The following LZTS1 variants were observed in gnomAD, a reference collection of about 807,000 sequenced individuals.
LZTS1 encodes leucine zipper tumor suppressor 1.
LZTS1 carries 31 observed loss-of-function variants against 45.8 expected under a neutral mutation model. That is an observed-to-expected ratio of 0.68 (90% CI 0.51 to 0.91). The LOEUF is 0.91. LZTS1 is among the 40% of genes least tolerant of loss of function. LZTS1 has a pLI of 0.00. For synonymous variants in LZTS1, 359 were observed against 357.3 expected (o/e 1.00, Z -0.05); for missense variants, 821 against 788.9 (o/e 1.04, Z -0.49).
intron 1 of LZTS1, among the ~76,000 whole-genome samples, chr8:20,263,154 G>C (rs2128894664): frequency 6.6e-6 from 1 of 152,300 alleles, no homozygotes; most frequent in East Asian, 1.9e-4. Context: ...TGGACTCCCA[G>C]GGCAGAAGCT....
Position 20,254,922 on chromosome 8 carries a change from C to A in LZTS1, c.260G>T (p.Ser87Ile). 1 of 1,614,244 alleles carries A rather than the reference C, an allele frequency of 6.2e-7. No homozygotes were observed. The highest frequency in any genetic ancestry group is 1.1e-5 in the South Asian group (1 of 91,088). ...SHHPDYTALS[S>I]GDLGGQAGVD... Reference sequence around the variant, plus strand: ...CCCAGCCTGGCCCCCTAAATCCCCGCTGGACAGTGCCGTGTAATCTGGGTG... The same window carrying A: ...CCCAGCCTGGCCCCCTAAATCCCCGATGGACAGTGCCGTGTAATCTGGGTG... The change falls in exon 2 of 4, where the codon AGC becomes ATC. Residue 87 changes from serine to isoleucine, a missense_variant. Coordinates refer to ENST00000381569, the MANE Select transcript of LZTS1 (RefSeq NM_021020.5).
intron 1 of LZTS1, among the ~76,000 whole-genome samples, chr8:20,279,911 C>T (rs1044251825): frequency 6.7e-6 from 1 of 150,008 alleles, no homozygotes; most frequent in Non-Finnish European, 1.5e-5. Context: ...CACCTGAGCC[C>T]AGGAGGTTGA....
chr8:20,250,387 G>A, intron 3 of LZTS1, 24 bp from the exon 4 acceptor site: 1 of 1,563,088 alleles, frequency 6.4e-7, no homozygotes, highest in Non-Finnish European at 8.7e-7. Flanking sequence ...GGTGGAGACA[G>A]AGTGCCAAGA....
chr8:20,262,713 A>G (rs921766525), intron 1 of LZTS1, among the ~76,000 whole-genome samples: 8 of 152,150 alleles, frequency 5.3e-5, no homozygotes, highest in African/African-American at 1.7e-4. Flanking sequence ...TTTGCTTGTC[A>G]TGATGGGGGT....
intron 1 of LZTS1, among the ~76,000 whole-genome samples, chr8:20,287,040 A>G (rs148224827): frequency 2.0e-5 from 3 of 152,306 alleles, no homozygotes; most frequent in East Asian, 1.9e-4. Flanking sequence ...TTGTTCACCT[A>G]TGGTTTGTGC....
chr8:20,274,836 G>A (rs1563882554), intron 1 of LZTS1, among the ~76,000 whole-genome samples: 1 of 152,312 alleles, frequency 6.6e-6, no homozygotes, highest in Middle Eastern at 3.4e-3. Flanking sequence ...TAAACTGGAA[G>A]TTAGGATTTG....
At chr8:20,287,000 T>C (rs1248499916) in intron 1 of LZTS1, among the ~76,000 whole-genome samples, 2 of 152,226 alleles carry the variant, frequency 1.3e-5, no homozygotes, top group Non-Finnish European at 2.9e-5. Context: ...TAGGCTTCTA[T>C]GTATATGAAA....
Position 20,255,454 on chromosome 8 carries a change from T to G in LZTS1, c.-134-139A>C, listed in dbSNP as rs1167973509. On this transcript the variant is annotated intron_variant, in intron 1 of 3. Coordinates refer to ENST00000381569, the MANE Select transcript of LZTS1 (RefSeq NM_021020.5). ...TCTCCACCACCGGGTGCTCCGTTCC[T>G]TCTTCCTTTGTCTGATAATTCAACA... is the stretch of plus-strand genomic sequence containing the variant. The G allele has an allele frequency of 3.8e-5, 19 of 505,460 alleles. No individual in the cohort carries two copies. The East Asian group carries it at 6.6e-4, about 18-fold the overall frequency. The allele number at this position is 505,460 out of a possible 1,614,324, so 31.3% of individuals were successfully genotyped here. A position where few individuals can be genotyped will look rare whatever the true frequency, so the allele number is the denominator to read the frequency against.
chr8:20,303,062 T>G (rs1563152798), intron 1 of LZTS1, among the ~76,000 whole-genome samples: 1 of 151,958 alleles, frequency 6.6e-6, no homozygotes, highest in Non-Finnish European at 1.5e-5. Context: ...GTGAAGGTAG[T>G]GTGGGGCTGT....
chr8:20,292,612 C>G (rs886660015), intron 1 of LZTS1, among the ~76,000 whole-genome samples: 35 of 152,202 alleles, frequency 2.3e-4, no homozygotes, highest in African/African-American at 7.7e-4. Context: ...GTTGTATCAG[C>G]TGTCACAAAA....
In LZTS1 at chr8:20,249,423, A is replaced by C; in HGVS notation, c.*299T>G. The C allele has an allele frequency of 2.9e-6, 1 of 344,482 alleles. No individual in the cohort carries two copies. The highest frequency in any genetic ancestry group is 5.3e-6 in the Non-Finnish European group (1 of 187,822). 21.3% of individuals were successfully genotyped at this position (344,482 alleles called of 1,614,324 possible). On this transcript the variant is annotated 3_prime_UTR_variant, in exon 4 of 4. Coordinates refer to ENST00000381569, the MANE Select transcript of LZTS1 (RefSeq NM_021020.5). ...CCTGGAGGAGGGGGAGAGGATATCT[A>C]TTTCGAACAAAGGCCAAAGTTTAGG...
rs536003775 is a variant in LZTS1 at position 20,277,283 on chromosome 8, G to A, written c.-134-21968C>T. On this transcript the variant is annotated intron_variant, in intron 1 of 3. Transcript: ENST00000381569. ...GCCCTGGCAATGTCAGGAAATTACCGTATATGGTCTAAAAAGGGAGGAACC... is the reference window on the plus strand; with the variant it reads ...GCCCTGGCAATGTCAGGAAATTACCATATATGGTCTAAAAAGGGAGGAACC... 4.6e-5 allele frequency among the ~76,000 whole-genome samples: 7 copies of A among 152,288 alleles called. No homozygotes were observed. In the East Asian group the frequency reaches 9.7e-4, roughly 21 times the overall value.
rs1253197694 is a variant in LZTS1, at chr8:20,252,938, C to T, written c.993G>A (p.Leu331=). ...SQKSQRAQQV[L]HLQVLQLQQE... The stretch of plus-strand genomic sequence containing the variant: ...GCTGAAGCTGCAGTACCTGCAGGTG[C>T]AGGACCTGCTGCGCGCGCTGGCTCT... The change falls in exon 3 of 4, where the codon CTG becomes CTA. Residue 331 remains leucine (L), a synonymous_variant. Coordinates refer to ENST00000381569, the MANE Select transcript of LZTS1 (RefSeq NM_021020.5). 41 of 1,603,382 alleles carry T rather than the reference C, an allele frequency of 2.6e-5. No homozygotes were observed. Among genetic ancestry groups the T allele is most frequent in the Non-Finnish European group, 3.2e-5 (38 of 1,176,624 alleles).
chr8:20,296,716 T>G (rs1800985233), intron 1 of LZTS1, among the ~76,000 whole-genome samples: 1 of 152,176 alleles, frequency 6.6e-6, no homozygotes, highest in Non-Finnish European at 1.5e-5. Context: ...TGTGTGTATG[T>G]GTGCGTGTGT....
In LZTS1 at chr8:20,279,969, CAA is replaced by C. The variant is rs57894688; in HGVS notation, c.-135+23769_-135+23770del. Among the ~76,000 whole-genome samples the C allele has an allele frequency of 6.3e-3, 845 of 133,856 alleles. 3 individuals are homozygous for C. Among genetic ancestry groups the C allele is most frequent in the East Asian group, 0.026 (120 of 4,656 alleles). 87.8% of individuals were successfully genotyped at this position (133,856 alleles called of 152,430 possible). ...TGGGTGACAGAGAGAAACCGTGTCT[CAA>C]AAAAAAAAAAAAAAAATTGCTGAAA... On this transcript the variant is annotated intron_variant, in intron 1 of 3. Transcript: ENST00000381569.
Position 20,253,587 on chromosome 8 carries a change from T to C in LZTS1, c.346-2A>G. On this transcript the variant is annotated splice_acceptor_variant, in intron 2 of 3. Coordinates refer to ENST00000381569, the MANE Select transcript of LZTS1 (RefSeq NM_021020.5). LOFTEE classifies it high-confidence loss of function. ...CCTCACTGCACCCTTCTCGGAGCCC[T>C]GTAGAGGAAAAGGACCGCGGTGACT... The C allele has an allele frequency of 6.9e-7, 1 of 1,446,884 alleles. No individual in the cohort carries two copies. Among genetic ancestry groups the C allele is most frequent in the Non-Finnish European group, 9.1e-7 (1 of 1,102,378 alleles). The allele number at this position is 1,446,884 out of a possible 1,614,324, so 89.6% of individuals were successfully genotyped here.
chr8:20,275,238 C>T (rs888703754), intron 1 of LZTS1, among the ~76,000 whole-genome samples: 1 of 151,936 alleles, frequency 6.6e-6, no homozygotes, highest in African/African-American at 2.4e-5. Flanking sequence ...CCCATCTCTA[C>T]TAAAAATACA....
rs143954874 is a variant in LZTS1 at position 20,271,312 on chromosome 8, C to T, written c.-134-15997G>A. On this transcript the variant is annotated intron_variant, in intron 1 of 3. Transcript: ENST00000381569. ...AGCCGCTGAGCCTGGGTTGAGCATC[C>T]GGCCGTGTTTCCACTCTCCTGGAGT... Among the ~76,000 whole-genome samples the T allele has an allele frequency of 5.4e-4, 82 of 152,234 alleles. 1 individual carries two copies. Among genetic ancestry groups the T allele is most frequent in the Admixed American group, 1.2e-3 (18 of 15,296 alleles).
rs1248049366 is a variant in LZTS1 at position 20,303,884 on chromosome 8, G to A, written c.-279C>T. ...ATGCAGCTCCCGGCTCCCACTCACT[G>A]GCCGAGGCGGGCAGAGAAACTTTCG... On this transcript the variant is annotated 5_prime_UTR_variant, in exon 1 of 4. Transcript: ENST00000381569. The A allele has an allele frequency of 1.0e-6, 1 of 984,918 alleles. No homozygotes were observed. Among genetic ancestry groups the A allele is most frequent in the Non-Finnish European group, 1.2e-6 (1 of 829,754 alleles). 61.0% of individuals were successfully genotyped at this position (984,918 alleles called of 1,614,324 possible). A position where few individuals can be genotyped will look rare whatever the true frequency, so the allele number is the denominator to read the frequency against.
Sources: gnomAD v4.1 joint callset for allele counts (sites outside exome capture counted in the v4.1 genomes callset) on GRCh38, gnomAD v4.1.1 for gene constraint, MANE v1.5 for transcripts, NCBI Gene and HGNC (gene_info 2026-07-23, HGNC 2026-07-21) for gene names.